LIMCH1: variants seen among roughly 807,000 people sequenced by gnomAD.
LIMCH1 encodes LIM and calponin homology domains-containing protein 1.
LIMCH1 carries 113 observed loss-of-function variants against 176.5 expected under a neutral mutation model. That is an observed-to-expected ratio of 0.64 (90% CI 0.55 to 0.75). LIMCH1 has a LOEUF of 0.75. Ranked by LOEUF, LIMCH1 falls within the 30% of genes least tolerant of loss-of-function variation. The pLI, the probability that LIMCH1 is intolerant of heterozygous loss-of-function variation, is 0.00. For missense variants in LIMCH1, 1,674 were observed against 1,814.9 expected (o/e 0.92, Z 1.41); for synonymous variants, 619 against 645.9 (o/e 0.96, Z 0.63).
intron 31 of LIMCH1, 139 bp from the exon 32 acceptor site, chr4:41,697,020 TA>T (rs1045520270): frequency 5.9e-5 from 46 of 782,040 alleles, no homozygotes; most frequent in Middle Eastern, 2.3e-4. Flanking sequence ...ACACTTCAAG[TA>T]GCAGGATGGG....
chr4:41,388,935 A>C (rs2056862478), intron 1 of LIMCH1, among the ~76,000 whole-genome samples: 1 of 152,188 alleles, frequency 6.6e-6, no homozygotes, highest in Non-Finnish European at 1.5e-5. Context: ...GAGCCACTGC[A>C]CCCAGCCCAT....
chr4:41,620,442 G>A lies in LIMCH1; in HGVS notation c.477G>A (p.Glu159=), dbSNP rs1209117522. 1 of 1,536,032 alleles carries A rather than the reference G, an allele frequency of 6.5e-7. No homozygotes were observed. Among genetic ancestry groups the A allele is most frequent in the East Asian group, 2.4e-5 (1 of 40,920 alleles). Residue 159 remains glutamate, a synonymous_variant, in exon 7 of 32, where the codon GAG becomes GAA. Coordinates refer to ENST00000503057, the MANE Select transcript of LIMCH1 (RefSeq NM_001330672.2). The stretch of plus-strand genomic sequence containing the variant: ...TCACTAGCTTTCCTGAAACGATAGA[G>A]GAAGAGGGGAGTGAAGTGGGGTCTG... ...ERPFSFPETI[E]EEGSEVGSAG... is the part of the protein sequence containing the mutation.
chr4:41,453,918 G>A lies in LIMCH1; in HGVS notation c.97-40618G>A, dbSNP rs182084667. Among the ~76,000 whole-genome samples, 16 of 152,084 alleles carry A rather than the reference G, an allele frequency of 1.1e-4. No homozygotes were observed. The East Asian group carries it at 2.5e-3, about 24-fold the overall frequency. On this transcript the variant is annotated intron_variant, in intron 1 of 26. Transcript: ENST00000313860. ...TCTTTCTTTTTCCACGCTTCTGTTC[G>A]TTTTCCATCTGCCTCCCCTCTTCTA... is the stretch of plus-strand genomic sequence containing the variant.
intron 2 of LIMCH1, among the ~76,000 whole-genome samples, chr4:41,499,634 A>G (rs908195961): frequency 6.6e-6 from 1 of 152,222 alleles, no homozygotes; most frequent in Non-Finnish European, 1.5e-5. Flanking sequence ...CCTGGCCAAC[A>G]TGGCAAAACC....
rs2095222399 is a variant in LIMCH1 at position 41,676,459 on chromosome 4, C to G, written c.3516C>G (p.Leu1172=). ...EKWQQEQERL[L]QERYQKEQDK... ...GGCAACAGGAACAGGAACGTTTGCT[C>G]CAGGTAGGATGGAGTTTGCTGCTTT... Residue 1172 remains leucine (L), a synonymous_variant, in exon 23 of 32, where the codon CTC becomes CTG. Transcript: ENST00000503057. The G allele has an allele frequency of 3.7e-6, 6 of 1,612,826 alleles. No homozygotes were observed. The highest frequency in any genetic ancestry group is 1.1e-5 in the South Asian group (1 of 91,030).
At chr4:41,467,165 ACACACACACACAC>A (rs2066266125) in intron 1 of LIMCH1, among the ~76,000 whole-genome samples, 1 of 43,160 alleles carries the variant, frequency 2.3e-5, no homozygotes, top group Non-Finnish European at 4.1e-5. Flanking sequence ...ATATACACAC[ACACACACACACAC>A]ACACACACAC....
chr4:41,455,063 A>T (rs1242077637), intron 1 of LIMCH1, among the ~76,000 whole-genome samples: 1 of 151,996 alleles, frequency 6.6e-6, no homozygotes. Flanking sequence ...TACAGTCATA[A>T]AATGTACTGT....
At chr4:41,383,296 GACAC>G (rs1457504382) in intron 1 of LIMCH1, among the ~76,000 whole-genome samples, 2 of 152,178 alleles carry the variant, frequency 1.3e-5, no homozygotes, top group African/African-American at 4.8e-5. Flanking sequence ...CTAGTGGGGA[GACAC>G]ACAGATAAAC....
Position 41,646,698 on chromosome 4 carries a change from G to T in LIMCH1, c.2625G>T (p.Arg875=), listed in dbSNP as rs1193969225. The T allele has an allele frequency of 4.3e-6, 7 of 1,614,136 alleles. No individual in the cohort carries two copies. Among genetic ancestry groups the T allele is most frequent in the Non-Finnish European group, 5.9e-6 (7 of 1,180,026 alleles). ...ACCCCAATCCCATGAAATACCTGCG[G>T]CAACAGTCACTGCCTCCACCCAAAT... is the stretch of plus-strand genomic sequence containing the variant. ...LNDPNPMKYL[R]QQSLPPPKFT... is the part of the protein sequence containing the mutation. Residue 875 remains arginine, a synonymous_variant, in exon 17 of 32, where the codon CGG becomes CGT. Transcript: ENST00000503057.
intron 7 of LIMCH1, 117 bp from the exon 8 acceptor site, chr4:41,626,591 T>G (rs1480211308): frequency 2.6e-5 from 22 of 844,490 alleles, no homozygotes; most frequent in South Asian, 5.4e-5. Context: ...AGATGTCATT[T>G]GAACTAACAA....
chr4:41,427,772 C>A (rs1049847379), intron 1 of LIMCH1, among the ~76,000 whole-genome samples: 2 of 152,132 alleles, frequency 1.3e-5, no homozygotes, highest in Admixed American at 1.3e-4. Flanking sequence ...CAAAACAGGA[C>A]GTCTTCCTTC....
In LIMCH1 at chr4:41,411,956, C is replaced by CAA. The variant is rs61054692; in HGVS notation, c.96+51049_96+51050dup. On this transcript the variant is annotated intron_variant, in intron 1 of 26. Transcript: ENST00000313860. ...TAGGCGACAGAGCGAGACTCCATCT[C>CAA]AAAAAAAAAAAAAAAAAAAAAAAAA... Among the ~76,000 whole-genome samples the CAA allele has an allele frequency of 2.6e-3, 102 of 38,580 alleles. 11 individuals are homozygous for CAA. Among genetic ancestry groups the CAA allele is most frequent in the East Asian group, 3.9e-3 (4 of 1,028 alleles). The allele number at this position is 38,580 out of a possible 152,430, so 25.3% of individuals were successfully genotyped here. A position where few individuals can be genotyped will look rare whatever the true frequency, so the allele number is the denominator to read the frequency against.
intron 1 of LIMCH1, among the ~76,000 whole-genome samples, chr4:41,493,498 A>G (rs2071473163): frequency 6.6e-6 from 1 of 150,838 alleles, no homozygotes; most frequent in South Asian, 2.1e-4. Flanking sequence ...TTCCTAAACA[A>G]TACAGTGTAA....
chr4:41,435,179 T>A lies in LIMCH1; in HGVS notation c.97-59357T>A, dbSNP rs6447071. ...AGCAGAAAAAGAGGAGATTATCCAA[T>A]GTTATCCCAGTGGACCCTATGTTAC... On this transcript the variant is annotated intron_variant, in intron 1 of 26. Transcript: ENST00000313860. Among the ~76,000 whole-genome samples the A allele has an allele frequency of 2.1e-3, 322 of 152,134 alleles. 1 individual carries two copies. The highest frequency in any genetic ancestry group is 7.0e-3 in the African/African-American group (290 of 41,476).
chr4:41,449,515 A>G (rs1425317729), intron 1 of LIMCH1, among the ~76,000 whole-genome samples: 1 of 152,044 alleles, frequency 6.6e-6, no homozygotes, highest in Non-Finnish European at 1.5e-5. Context: ...TTTTCTCCCC[A>G]CCTTCTCTCT....
intron 1 of LIMCH1, among the ~76,000 whole-genome samples, chr4:41,550,909 A>G (rs1294735909): frequency 6.6e-6 from 1 of 152,180 alleles, no homozygotes; most frequent in Non-Finnish European, 1.5e-5. Flanking sequence ...CACACACTTT[A>G]CTCTGAGTTT....
At chr4:41,676,533 C>G in intron 23 of LIMCH1, 71 bp downstream of exon 23, 1 of 1,081,822 alleles carries the variant, frequency 9.2e-7, no homozygotes, top group Admixed American at 1.8e-5. Flanking sequence ...ATTAAATAGA[C>G]TTTTAGCACA....
chr4:41,558,354 G>A (rs569705801), intron 1 of LIMCH1, among the ~76,000 whole-genome samples: 3 of 152,282 alleles, frequency 2.0e-5, no homozygotes, highest in Admixed American at 6.5e-5. Context: ...GTATAGGAGG[G>A]TATCGTTTAA....
chr4:41,611,850 A>AT (rs2091452564), intron 4 of LIMCH1, among the ~76,000 whole-genome samples: 1 of 152,228 alleles, frequency 6.6e-6, no homozygotes, highest in Non-Finnish European at 1.5e-5. Context: ...AAGAAATTAA[A>AT]TATGAAACCA....
Sources: allele counts gnomAD v4.1 joint callset (sites outside exome capture counted in the v4.1 genomes callset), GRCh38; gene constraint gnomAD v4.1.1; transcripts MANE v1.5; gene names NCBI Gene and HGNC (gene_info 2026-07-23, HGNC 2026-07-21).